The following MYO1D variants were observed in gnomAD, a reference collection of about 807,000 sequenced individuals.
MYO1D encodes unconventional myosin-Id.
Under a neutral mutation model 122.0 loss-of-function variants are expected in MYO1D, and 83 were observed. The observed-to-expected ratio is 0.68, with a 90% CI of 0.57 to 0.82. MYO1D has a LOEUF of 0.82. MYO1D is among the 40% of genes least tolerant of loss of function. MYO1D has a pLI of 0.00. For synonymous variants in MYO1D, 464 were observed against 446.9 expected (o/e 1.04, Z -0.48); for missense variants, 1,157 against 1,269.5 (o/e 0.91, Z 1.35).
At chr17:32,512,228 A>G (rs1034072029) in intron 21 of MYO1D, among the ~76,000 whole-genome samples, 7 of 152,016 alleles carry the variant, frequency 4.6e-5, no homozygotes, top group African/African-American at 1.7e-4. Flanking sequence ...TGAACCCAGG[A>G]GGCAGAGGTT....
At chr17:32,725,209 C>A (rs1235587044) in intron 14 of MYO1D, among the ~76,000 whole-genome samples, 1 of 152,068 alleles carries the variant, frequency 6.6e-6, no homozygotes, top group Non-Finnish European at 1.5e-5. Context: ...TGGATCAGTA[C>A]AAGAGTAGAT....
chr17:32,692,884 A>C (rs1283491745), intron 16 of MYO1D, among the ~76,000 whole-genome samples: 1 of 152,232 alleles, frequency 6.6e-6, no homozygotes, highest in East Asian at 1.9e-4. Context: ...TTGATAATTA[A>C]ATACTCCCTC....
chr17:32,589,356 T>G (rs553420246), intron 21 of MYO1D, among the ~76,000 whole-genome samples: 2 of 152,336 alleles, frequency 1.3e-5, no homozygotes, highest in African/African-American at 4.8e-5. Flanking sequence ...TTTGCCTTCA[T>G]GCATAGAAGA....
At position 32,760,312 on chromosome 17, in the gene MYO1D, C is replaced by A; in HGVS notation, c.1274G>T (p.Arg425Leu). The A allele has an allele frequency of 6.2e-7, 1 of 1,611,080 alleles. No individual in the cohort carries two copies. ...VLKQEQEEYQ[R>L]EGIPWKHIDY... The stretch of plus-strand genomic sequence containing the variant: ...CACATGTTTCCAGGGGATCCCTTCC[C>A]GCTGGTATTCCTCTTGTTCTTGCTT... The change falls in exon 10 of 22, where the codon CGG (arginine) becomes CTG (leucine). Residue 425 changes from arginine (R) to leucine (L), a missense_variant. Arg to Leu is a moderately radical substitution (Grantham distance 102). Coordinates refer to ENST00000318217, the MANE Select transcript of MYO1D (RefSeq NM_015194.3).
In MYO1D at chr17:32,778,519, G is replaced by T; in HGVS notation, c.359C>A (p.Ala120Glu). The T allele has an allele frequency of 6.2e-7, 1 of 1,613,934 alleles. No individual in the cohort carries two copies. The change falls in exon 3 of 22, where the codon GCG becomes GAG. Residue 120 changes from alanine to glutamate, a missense_variant. By Grantham distance (107) the Ala-to-Glu change is moderately radical. Coordinates refer to ENST00000318217, the MANE Select transcript of MYO1D (RefSeq NM_015194.3). ...EASKYIMQYIAAITNPSQRAE... is the reference protein window; with the variant it reads ...EASKYIMQYIEAITNPSQRAE... The stretch of plus-strand genomic sequence containing the variant: ...TCTCTGACTGGGGTTGGTGATGGCC[G>T]CAATATACTGCATAATGTACTTACT...
At chr17:32,809,142 A>AAC (rs1290625837) in intron 1 of MYO1D, among the ~76,000 whole-genome samples, 1 of 151,554 alleles carries the variant, frequency 6.6e-6, no homozygotes, top group East Asian at 1.9e-4. Context: ...GATAAAAAAA[A>AAC]AAAAAAAAAC....
At chr17:32,761,686 C>G (rs1354391226) in intron 8 of MYO1D, among the ~76,000 whole-genome samples, 1 of 152,134 alleles carries the variant, frequency 6.6e-6, no homozygotes, top group Non-Finnish European at 1.5e-5. Context: ...AATCCAGACT[C>G]AGAGAACAGT....
chr17:32,723,418 T>A (rs187005269), intron 14 of MYO1D, among the ~76,000 whole-genome samples: 3 of 152,326 alleles, frequency 2.0e-5, no homozygotes, highest in African/African-American at 4.8e-5. Flanking sequence ...GCTGTTGCTA[T>A]GCAGAGGCCA....
rs185321075 is a variant in MYO1D, at chr17:32,657,216, T to C, written c.2345+1899A>G. Among the ~76,000 whole-genome samples, 72 of 152,338 alleles carry C rather than the reference T, an allele frequency of 4.7e-4. 1 individual carries two copies. The East Asian group carries it at 5.4e-3, about 11-fold the overall frequency. On this transcript the variant is annotated intron_variant, in intron 17 of 21. Coordinates refer to ENST00000318217, the MANE Select transcript of MYO1D (RefSeq NM_015194.3). ...AACTGAAACATGATTAGATGCACAT[T>C]GAGATTTTAGAAAAACAAACATAAG...
At chr17:32,527,976 T>C (rs1195985473) in intron 21 of MYO1D, among the ~76,000 whole-genome samples, 1 of 152,048 alleles carries the variant, frequency 6.6e-6, no homozygotes, top group African/African-American at 2.4e-5. Context: ...GTAGCTGGAA[T>C]TACAGGCGCC....
At chr17:32,681,641 T>A (rs1328359536) in intron 16 of MYO1D, among the ~76,000 whole-genome samples, 4 of 152,134 alleles carry the variant, frequency 2.6e-5, no homozygotes, top group Non-Finnish European at 5.9e-5. Context: ...CCTGTTCTTT[T>A]ACATTTGCTG....
At chr17:32,827,690 G>A (rs148441121) in intron 1 of MYO1D, among the ~76,000 whole-genome samples, 222 of 152,050 alleles carry the variant, frequency 1.5e-3, no homozygotes, top group African/African-American at 5.1e-3. Flanking sequence ...AAAAAGGAAA[G>A]AGTAGAAAAA....
intron 1 of MYO1D, among the ~76,000 whole-genome samples, chr17:32,860,257 T>C (rs979722441): frequency 2.6e-5 from 4 of 152,242 alleles, no homozygotes; most frequent in African/African-American, 9.6e-5. Context: ...TCTCTTATCA[T>C]TAGCCTTCTT....
At chr17:32,723,151 C>A (rs368851486) in intron 14 of MYO1D, among the ~76,000 whole-genome samples, 2 of 152,124 alleles carry the variant, frequency 1.3e-5, no homozygotes, top group East Asian at 1.9e-4. Flanking sequence ...GAAGCTCCTG[C>A]GCTTGGACCC....
intron 20 of MYO1D, among the ~76,000 whole-genome samples, chr17:32,614,226 T>C (rs2087742715): frequency 6.6e-6 from 1 of 151,554 alleles, no homozygotes; most frequent in Admixed American, 6.6e-5. Flanking sequence ...ATTCTTGGTA[T>C]TCCCCCCACC....
chr17:32,766,505 C>T (rs1598080543), intron 7 of MYO1D, among the ~76,000 whole-genome samples: 1 of 151,942 alleles, frequency 6.6e-6, no homozygotes, highest in East Asian at 1.9e-4. Context: ...AAGTTAAAAA[C>T]AAAATAAAGG....
chr17:32,766,017 T>G (rs2090052548), intron 7 of MYO1D, among the ~76,000 whole-genome samples: 1 of 152,054 alleles, frequency 6.6e-6, no homozygotes, highest in Non-Finnish European at 1.5e-5. Context: ...TCTAAATAGC[T>G]GGGACTACAG....
At position 32,780,927 on chromosome 17, in the gene MYO1D, C is replaced by G. The variant is rs910822973; in HGVS notation, c.96-143G>C. Reference sequence around the variant, plus strand: ...TGACGTTTCATTGGCTCTGAGTTAACTTGTAGAGAATGTTTGAGGCTGTGC... The same window carrying G: ...TGACGTTTCATTGGCTCTGAGTTAAGTTGTAGAGAATGTTTGAGGCTGTGC... On this transcript the variant is annotated intron_variant, in intron 1 of 21. Coordinates refer to ENST00000318217, the MANE Select transcript of MYO1D (RefSeq NM_015194.3). 19 of 829,628 alleles carry G rather than the reference C, an allele frequency of 2.3e-5. 1 individual carries two copies. The highest frequency in any genetic ancestry group is 3.4e-5 in the Non-Finnish European group (18 of 530,652). 51.4% of individuals were successfully genotyped at this position (829,628 alleles called of 1,614,324 possible).
At chr17:32,729,335 C>T (rs1196585178) in intron 14 of MYO1D, among the ~76,000 whole-genome samples, 1 of 152,032 alleles carries the variant, frequency 6.6e-6, no homozygotes, top group African/African-American at 2.4e-5. Context: ...GTTTTAGTAC[C>T]TTATTAGGTA....
Sources: allele counts gnomAD v4.1 joint callset (sites outside exome capture counted in the v4.1 genomes callset), GRCh38; gene constraint gnomAD v4.1.1; transcripts MANE v1.5; gene names NCBI Gene and HGNC (gene_info 2026-07-23, HGNC 2026-07-21).